The following C20orf203 variants were observed in gnomAD, a reference collection of about 807,000 sequenced individuals.
C20orf203 encodes the protein uncharacterized protein C20orf203.
A neutral mutation model predicts 15.9 loss-of-function variants in C20orf203; 16 were observed. The observed-to-expected ratio is 1.01, with a 90% confidence interval of 0.68 to 1.53. The LOEUF is 1.53. C20orf203 is among the 40% of genes most tolerant of loss of function. The pLI is 0.00. For synonymous variants in C20orf203, 98 were observed against 97.2 expected, an observed-to-expected ratio of 1.01 and a Z score of -0.05; for missense variants, 263 against 247.5, an observed-to-expected ratio of 1.06 and a Z score of -0.42.
At chr20:32,667,628 C>G (rs1600942390) in intron 1 of C20orf203, among the ~76,000 whole-genome samples, 1 of 152,230 alleles carries the variant, frequency 6.6e-6, no homozygotes, top group Non-Finnish European at 1.5e-5. Flanking sequence ...ATTGAAATAT[C>G]TGCCACCTTC....
intron 1 of C20orf203, among the ~76,000 whole-genome samples, chr20:32,656,234 T>C (rs545348734): frequency 6.6e-6 from 1 of 152,332 alleles, no homozygotes; most frequent in East Asian, 1.9e-4. Flanking sequence ...GGGCATAGGA[T>C]GTAAATAGAC....
chr20:32,666,365 G>A (rs1331083930), intron 1 of C20orf203, among the ~76,000 whole-genome samples: 2 of 151,810 alleles, frequency 1.3e-5, no homozygotes, highest in African/African-American at 4.8e-5. Flanking sequence ...TACTCAGGAG[G>A]CTGAGGTGGG....
chr20:32,673,081 G>A (rs1222835702), intron 1 of C20orf203, among the ~76,000 whole-genome samples: 2 of 152,150 alleles, frequency 1.3e-5, no homozygotes, highest in African/African-American at 2.4e-5. Flanking sequence ...AGTAAGGGCT[G>A]GGCATCTCTC....
chr20:32,671,840 CAAAAAAA>C (rs869043468), intron 1 of C20orf203, among the ~76,000 whole-genome samples: 113 of 66,314 alleles, frequency 1.7e-3, no homozygotes, highest in African/African-American at 6.6e-3. Flanking sequence ...ACTCTGTCTC[CAAAAAAA>C]AAAAAAAAAA....
At chr20:32,661,813 C>T (rs1407968583) in intron 1 of C20orf203, among the ~76,000 whole-genome samples, 1 of 152,176 alleles carries the variant, frequency 6.6e-6, no homozygotes, top group East Asian at 1.9e-4. Context: ...TGGGCCACAG[C>T]TCTAACAAAA....
At chr20:32,656,831 T>C (rs959027799) in intron 1 of C20orf203, 5 of 130,560 alleles carry the variant, frequency 3.8e-5, no homozygotes, top group Admixed American at 3.4e-4. Flanking sequence ...ACCACTGCAC[T>C]CCAGCCTGGA....
intron 4 of C20orf203, among the ~76,000 whole-genome samples, chr20:32,648,806 A>C (rs1240274197): frequency 6.6e-6 from 1 of 152,128 alleles, no homozygotes; most frequent in Non-Finnish European, 1.5e-5. Flanking sequence ...GAAAAATTGC[A>C]CAGATAGTAC....
chr20:32,672,677 T>C (rs1263652241), intron 1 of C20orf203, among the ~76,000 whole-genome samples: 1 of 152,182 alleles, frequency 6.6e-6, no homozygotes, highest in Admixed American at 6.5e-5. Flanking sequence ...TTCCCTTTTA[T>C]TCCCTCCTGA....
intron 1 of C20orf203, among the ~76,000 whole-genome samples, chr20:32,666,155 TAAAAAA>T (rs147487671): frequency 1.9e-5 from 2 of 102,776 alleles, no homozygotes; most frequent in African/African-American, 3.7e-5. Flanking sequence ...ATAAATAAAG[TAAAAAA>T]AAAAAAAAAA....
chr20:32,651,216 G>A (rs948516842), intron 2 of C20orf203, 50 bp from the exon 3 acceptor site: 4 of 487,718 alleles, frequency 8.2e-6, no homozygotes. Flanking sequence ...GTTGGCTTGC[G>A]CCTGAGGGTT....
At position 32,673,779 on chromosome 20, in the gene C20orf203, G is replaced by A. The variant is rs1983234917; in HGVS notation, c.-411C>T. The A allele has an allele frequency of 6.6e-6, 1 of 152,290 alleles. No homozygotes were observed. Among genetic ancestry groups the A allele is most frequent in the Non-Finnish European group, 1.5e-5 (1 of 68,056 alleles). 9.4% of individuals were successfully genotyped at this position (152,290 alleles called of 1,614,324 possible). On this transcript the variant is annotated 5_prime_UTR_variant, in exon 1 of 6. Coordinates refer to ENST00000608990, the MANE Select transcript of C20orf203 (RefSeq NM_182584.4). ...ACTGTGATGTCTCCGACGCAAAGCA[G>A]AGAGCCCGCCAGCGTAGCCACTCAG...
chr20:32,633,207 A>C lies in C20orf203; in HGVS notation c.*2363T>G, dbSNP rs1208596760. On this transcript the variant is annotated 3_prime_UTR_variant, in exon 6 of 6. Transcript: ENST00000608990. ...GTTTGCCTGGGACTGTGCCAGGAAA[A>C]CCCTCAGTTTTGGACAAACCAGGAT... The C allele has an allele frequency of 6.6e-6, 1 of 152,074 alleles. No homozygotes were observed. Among genetic ancestry groups the C allele is most frequent in the Admixed American group, 6.6e-5 (1 of 15,262 alleles). The allele number at this position is 152,074 out of a possible 1,614,324, so 9.4% of individuals were successfully genotyped here.
At chr20:32,656,770 A>C (rs556096665) in intron 1 of C20orf203, 1 of 151,210 alleles carries the variant, frequency 6.6e-6, no homozygotes, top group East Asian at 2.0e-4. Context: ...AGGCTGAGGC[A>C]TGAGAATCGC....
At chr20:32,665,546 C>G (rs1262485479) in intron 1 of C20orf203, among the ~76,000 whole-genome samples, 1 of 152,196 alleles carries the variant, frequency 6.6e-6, no homozygotes, top group Non-Finnish European at 1.5e-5. Context: ...CTGGGAAGAG[C>G]AAGGCGCGGT....
chr20:32,638,298 C>A (rs1885050), intron 5 of C20orf203, among the ~76,000 whole-genome samples: 35,715 of 152,218 alleles, frequency 0.23, 5,253 homozygotes, highest in Middle Eastern at 0.35. Context: ...ATTCTCAAAT[C>A]TCTGACATGT....
intron 4 of C20orf203, among the ~76,000 whole-genome samples, chr20:32,648,853 T>C (rs924733750): frequency 1.3e-5 from 2 of 152,186 alleles, no homozygotes; most frequent in Non-Finnish European, 2.9e-5. Flanking sequence ...AGTTTTTTCT[T>C]ATGTCAACCT....
At chr20:32,672,254 G>T (rs537780943) in intron 1 of C20orf203, among the ~76,000 whole-genome samples, 1 of 151,916 alleles carries the variant, frequency 6.6e-6, no homozygotes, top group South Asian at 2.1e-4. Flanking sequence ...CAGGAGAATC[G>T]CTTGAACCCA....
Position 32,666,155 on chromosome 20 carries a change from TAAAA to T in C20orf203, c.-264+7473_-264+7476del, listed in dbSNP as rs147487671. Among the ~76,000 whole-genome samples, 668 of 102,742 alleles carry T rather than the reference TAAAA, an allele frequency of 6.5e-3. 4 individuals are homozygous for T. The highest frequency in any genetic ancestry group is 0.019 in the African/African-American group (508 of 26,848). 67.4% of individuals were successfully genotyped at this position (102,742 alleles called of 152,430 possible). ...CTCAATAAAAAATAAATAAATAAAG[TAAAA>T]AAAAAAAAAAAAAAAAAAGATAAAG... On this transcript the variant is annotated intron_variant, in intron 1 of 5. Transcript: ENST00000608990.
chr20:32,660,449 C>A (rs1982865197), intron 1 of C20orf203, among the ~76,000 whole-genome samples: 1 of 152,194 alleles, frequency 6.6e-6, no homozygotes, highest in African/African-American at 2.4e-5. Flanking sequence ...GGAGCTCACA[C>A]CTTCGAGAGG....
Sources: allele counts gnomAD v4.1 joint callset (sites outside exome capture counted in the v4.1 genomes callset), GRCh38; gene constraint gnomAD v4.1.1; transcripts MANE v1.5; gene names NCBI Gene and HGNC (gene_info 2026-07-23, HGNC 2026-07-21).